Variants in ADAMTS17 observed in about 807,000 individuals in gnomAD.
ADAMTS17 encodes ADAM metallopeptidase with thrombospondin type 1 motif 17.
In ADAMTS17, 113 loss-of-function variants were observed where a neutral mutation model predicts 141.5. The ratio of observed to expected loss-of-function variants is 0.80; its 90% CI spans 0.69 to 0.93. The LOEUF (loss-of-function observed/expected upper bound fraction) is 0.93, where lower values mean the gene tolerates loss of function less well. Among genes scored for constraint, ADAMTS17 ranks in the 40% least tolerant of loss-of-function variants. The pLI is 0.00. For synonymous variants in ADAMTS17, 768 were observed against 630.6 expected (o/e 1.22, Z -3.27); for missense variants, 1,659 against 1,517.9 (o/e 1.09, Z -1.54).
intron 3 of ADAMTS17, among the ~76,000 whole-genome samples, chr15:100,300,768 C>G (rs1327774653): frequency 6.6e-6 from 1 of 152,198 alleles, no homozygotes; most frequent in East Asian, 1.9e-4. Flanking sequence ...ATCTCTTGTC[C>G]ACACCCTGGC....
At chr15:100,226,092 C>T (rs181062570) in intron 7 of ADAMTS17, among the ~76,000 whole-genome samples, 4 of 147,898 alleles carry the variant, frequency 2.7e-5, no homozygotes, top group Non-Finnish European at 6.1e-5. Flanking sequence ...TCAGTCCTTA[C>T]AGCAGTCACG....
chr15:100,288,736 T>C (rs564781859), intron 3 of ADAMTS17, among the ~76,000 whole-genome samples: 16 of 152,116 alleles, frequency 1.1e-4, no homozygotes, highest in African/African-American at 3.6e-4. Flanking sequence ...TACAATTACA[T>C]GGAAATTAAA....
chr15:100,218,346 A>G (rs1048919537), intron 7 of ADAMTS17, among the ~76,000 whole-genome samples: 1 of 152,240 alleles, frequency 6.6e-6, no homozygotes, highest in African/African-American at 2.4e-5. Flanking sequence ...TCTTGGGAAG[A>G]ATCCAACACC....
At chr15:100,244,008 G>A (rs753194436) in intron 7 of ADAMTS17, among the ~76,000 whole-genome samples, 8 of 152,002 alleles carry the variant, frequency 5.3e-5, no homozygotes, top group Non-Finnish European at 8.8e-5. Context: ...CAGAGTCTGG[G>A]TATAAAGGAA....
At chr15:100,148,483 A>C (rs918960646) in intron 10 of ADAMTS17, among the ~76,000 whole-genome samples, 2 of 151,902 alleles carry the variant, frequency 1.3e-5, no homozygotes, top group Non-Finnish European at 2.9e-5. Context: ...TAATTTTGAA[A>C]GATATTTTTG....
intron 3 of ADAMTS17, among the ~76,000 whole-genome samples, chr15:100,284,954 TG>T (rs2044398948): frequency 6.6e-6 from 1 of 152,248 alleles, no homozygotes; most frequent in South Asian, 2.1e-4. Context: ...CCAGCTGCTG[TG>T]GGAATGAAGG....
At chr15:100,332,287 G>A (rs2141959907) in intron 2 of ADAMTS17, among the ~76,000 whole-genome samples, 1 of 152,374 alleles carries the variant, frequency 6.6e-6, no homozygotes, top group South Asian at 2.1e-4. Context: ...GGAAACTGAA[G>A]AAATGGAAGA....
chr15:100,290,939 C>A (rs1228078797), intron 3 of ADAMTS17, among the ~76,000 whole-genome samples: 1 of 152,036 alleles, frequency 6.6e-6, no homozygotes, highest in African/African-American at 2.4e-5. Context: ...ATAGGCCCTC[C>A]TTACCAAAGA....
intron 7 of ADAMTS17, among the ~76,000 whole-genome samples, chr15:100,227,379 C>G (rs1262558978): frequency 1.3e-5 from 2 of 152,142 alleles, no homozygotes; most frequent in Non-Finnish European, 2.9e-5. Flanking sequence ...CCCATTCCAC[C>G]TCCAATTCAT....
At chr15:100,051,177 G>T (rs1026454599) in intron 17 of ADAMTS17, among the ~76,000 whole-genome samples, 3 of 152,200 alleles carry the variant, frequency 2.0e-5, no homozygotes, top group African/African-American at 7.2e-5. Flanking sequence ...AGGTGACTGT[G>T]GCCAAGAGGG....
intron 12 of ADAMTS17, among the ~76,000 whole-genome samples, chr15:100,119,704 T>C (rs547434841): frequency 5.9e-5 from 9 of 152,340 alleles, no homozygotes; most frequent in Non-Finnish European, 1.3e-4. Context: ...GCACATGGGA[T>C]ACCACACGTG....
intron 10 of ADAMTS17, among the ~76,000 whole-genome samples, chr15:100,141,349 T>C (rs572439942): frequency 3.9e-5 from 6 of 152,194 alleles, no homozygotes; most frequent in African/African-American, 2.4e-5. Context: ...CATGTTGCTG[T>C]TCTCTTGCCT....
intron 10 of ADAMTS17, among the ~76,000 whole-genome samples, chr15:100,150,854 G>A (rs1322228126): frequency 6.6e-6 from 1 of 151,988 alleles, no homozygotes; most frequent in Non-Finnish European, 1.5e-5. Flanking sequence ...CATCCTCCCT[G>A]GTATCCCAAC....
chr15:100,059,361 A>G (rs1395403851), intron 15 of ADAMTS17, among the ~76,000 whole-genome samples: 1 of 152,006 alleles, frequency 6.6e-6, no homozygotes, highest in Non-Finnish European at 1.5e-5. Flanking sequence ...TCTCCTCGGG[A>G]CAGCGTGCTC....
At chr15:100,189,296 C>G (rs896381499) in intron 8 of ADAMTS17, among the ~76,000 whole-genome samples, 4 of 152,180 alleles carry the variant, frequency 2.6e-5, no homozygotes, top group Admixed American at 2.0e-4. Context: ...GACAGCTCAA[C>G]TGGGGGACGG....
At chr15:100,260,683 T>C (rs2043487096) in intron 6 of ADAMTS17, among the ~76,000 whole-genome samples, 1 of 151,508 alleles carries the variant, frequency 6.6e-6, no homozygotes, top group Admixed American at 6.6e-5. Context: ...AAACAAACTG[T>C]CCCCAAGCTA....
chr15:100,095,174 A>C (rs1044659557), intron 15 of ADAMTS17, among the ~76,000 whole-genome samples: 1 of 152,098 alleles, frequency 6.6e-6, no homozygotes, highest in African/African-American at 2.4e-5. Flanking sequence ...TTCTCTGTTG[A>C]CCTCAGGAGC....
intron 8 of ADAMTS17, among the ~76,000 whole-genome samples, chr15:100,180,352 C>A (rs1274937243): frequency 6.6e-6 from 1 of 152,276 alleles, no homozygotes; most frequent in South Asian, 2.1e-4. Flanking sequence ...TTTCTGGGTT[C>A]TCCATTCTGT....
intron 14 of ADAMTS17, among the ~76,000 whole-genome samples, chr15:100,099,787 G>T (rs184116173): frequency 3.3e-4 from 51 of 152,282 alleles, no homozygotes; most frequent in Non-Finnish European, 5.9e-5. Context: ...AAAAGCACAA[G>T]TTCTTCATTG....
Sources: gnomAD v4.1 joint callset for allele counts (sites outside exome capture counted in the v4.1 genomes callset) on GRCh38, gnomAD v4.1.1 for gene constraint, MANE v1.5 for transcripts, NCBI Gene and HGNC (gene_info 2026-07-23, HGNC 2026-07-21) for gene names.